The following WDFY4 variants were observed in gnomAD, a reference collection of about 807,000 sequenced individuals.
WDFY4 encodes WD repeat- and FYVE domain-containing protein 4.
WDFY4 carries 169 observed loss-of-function variants against 351.9 expected under a neutral mutation model. The observed-to-expected ratio is 0.48, with a 90% CI of 0.42 to 0.55. The LOEUF is 0.55. Ranked by LOEUF, WDFY4 falls within the 20% of genes least tolerant of loss-of-function variation. WDFY4 has a pLI of 0.00. For synonymous variants in WDFY4, 1,622 were observed against 1,574.6 expected, an observed-to-expected ratio of 1.03 and a Z score of -0.71; for missense variants, 3,803 against 3,935.6, an observed-to-expected ratio of 0.97 and a Z score of 0.90.
In WDFY4 at chr10:48,966,684, G is replaced by A. The variant is rs181144908; in HGVS notation, c.8584+11G>A. 1.3e-5 allele frequency: 20 copies of A among 1,550,424 alleles called. No individual in the cohort carries two copies. The East Asian group carries it at 3.7e-4, about 28-fold the overall frequency. The stretch of plus-strand genomic sequence containing the variant: ...AGGTCACGGTCAAAGGTGATTCCCT[G>A]GCCATGCATTGTTTGGTGTCCTGTC... On this transcript the variant is annotated intron_variant, in intron 55 of 61. Coordinates refer to ENST00000325239, the MANE Select transcript of WDFY4 (RefSeq NM_001394531.1).
intron 1 of WDFY4, among the ~76,000 whole-genome samples, chr10:48,687,701 A>G (rs1589384299): frequency 7.7e-6 from 1 of 129,628 alleles, no homozygotes; most frequent in African/African-American, 3.0e-5. Context: ...TGCAACCTCC[A>G]CCTCCCAGGT....
chr10:48,834,774 T>C (rs1252627398), intron 39 of WDFY4, among the ~76,000 whole-genome samples: 1 of 152,208 alleles, frequency 6.6e-6, no homozygotes, highest in Admixed American at 6.5e-5. Flanking sequence ...CCCTCACACC[T>C]GTTGATGCTG....
At chr10:48,900,526 A>C (rs1179480335) in intron 46 of WDFY4, among the ~76,000 whole-genome samples, 2 of 152,256 alleles carry the variant, frequency 1.3e-5, no homozygotes. Flanking sequence ...CCTAGGAAGC[A>C]GGCTCCATTT....
chr10:48,782,816 G>A (rs868002772), intron 19 of WDFY4, among the ~76,000 whole-genome samples: 44 of 152,130 alleles, frequency 2.9e-4, no homozygotes, highest in African/African-American at 1.1e-3. Context: ...GTTTGAATTG[G>A]GCAAAATGAT....
chr10:48,821,057 TC>T lies in WDFY4; in HGVS notation c.5710-3del. 1 of 1,550,792 alleles carries T rather than the reference TC, an allele frequency of 6.4e-7. No individual in the cohort carries two copies. Among genetic ancestry groups the T allele is most frequent in the Non-Finnish European group, 8.7e-7 (1 of 1,146,206 alleles). ...TGCTGTCTCAGTCCCGGGCTGTGCTTCCAGGCTTCTCCAGACCACGCCACCA... is the reference window on the plus strand; with the variant it reads ...TGCTGTCTCAGTCCCGGGCTGTGCTTCAGGCTTCTCCAGACCACGCCACCA... On this transcript the variant is annotated splice_polypyrimidine_tract_variant and splice_region_variant and intron_variant, in intron 33 of 61. Coordinates refer to ENST00000325239, the MANE Select transcript of WDFY4 (RefSeq NM_001394531.1).
chr10:48,786,851 C>T lies in WDFY4; in HGVS notation c.3789C>T (p.Phe1263=). ...TTGGCCCAAGATATTGTGGTAACTT[C>T]CAAGCTGTGCATGTCCAAGGTATGG... ...NKLGPRYCGN[F]QAVHVQGEDL... The change falls in exon 20 of 62, where the codon TTC becomes TTT. Residue 1263 remains phenylalanine (F), a synonymous_variant. Coordinates refer to ENST00000325239, the MANE Select transcript of WDFY4 (RefSeq NM_001394531.1). 1 of 1,551,976 alleles carries T rather than the reference C, an allele frequency of 6.4e-7. No homozygotes were observed. The highest frequency in any genetic ancestry group is 2.0e-5 in the Admixed American group (1 of 51,006).
chr10:48,737,327 T>G (rs1014098262), intron 11 of WDFY4, among the ~76,000 whole-genome samples: 2 of 152,180 alleles, frequency 1.3e-5, no homozygotes, highest in Non-Finnish European at 2.9e-5. Flanking sequence ...TCATGTTTCA[T>G]TAACATGATA....
In WDFY4 at chr10:48,817,393, C is replaced by T. The variant is rs2067657190; in HGVS notation, c.5489C>T (p.Pro1830Leu). The T allele has an allele frequency of 6.4e-7, 1 of 1,550,474 alleles. No individual in the cohort carries two copies. The highest frequency in any genetic ancestry group is 1.2e-5 in the South Asian group (1 of 83,986). ...FLQTLAIAAFPLGAQKGVGAE... is the reference protein window; with the variant it reads ...FLQTLAIAAFLLGAQKGVGAE... ...CAGACCTTGGCCATAGCCGCCTTCC[C>T]CCTGGGAGCCCAAAAGGTAGGACAT... The change falls in exon 32 of 62, where the codon CCC (proline) becomes CTC (leucine). Residue 1830 changes from proline (P) to leucine (L), a missense_variant. Pro to Leu is a moderately conservative substitution (Grantham distance 98). Transcript: ENST00000325239.
At chr10:48,826,407 C>T (rs978268441) in intron 35 of WDFY4, among the ~76,000 whole-genome samples, 21 of 152,116 alleles carry the variant, frequency 1.4e-4, no homozygotes, top group Admixed American at 7.9e-4. Context: ...AGCATGATGC[C>T]TCCAGCTTTG....
At chr10:48,927,715 G>T (rs1218735687) in intron 47 of WDFY4, among the ~76,000 whole-genome samples, 4 of 152,194 alleles carry the variant, frequency 2.6e-5, no homozygotes, top group African/African-American at 9.7e-5. Context: ...CTTTCCCCTA[G>T]CGGATAATAA....
chr10:48,735,518 A>G (rs1476014106), intron 10 of WDFY4, among the ~76,000 whole-genome samples: 3 of 152,094 alleles, frequency 2.0e-5, no homozygotes, highest in African/African-American at 7.2e-5. Flanking sequence ...TACCCCAGGA[A>G]TTCATGACAC....
chr10:48,902,622 G>GA (rs947619450), intron 47 of WDFY4, among the ~76,000 whole-genome samples: 153 of 147,872 alleles, frequency 1.0e-3, no homozygotes, highest in African/African-American at 3.5e-3. Flanking sequence ...CAAGCAAATA[G>GA]AAAAAAAAAA....
chr10:48,762,981 G>A (rs2065557193), intron 13 of WDFY4, among the ~76,000 whole-genome samples: 1 of 152,220 alleles, frequency 6.6e-6, no homozygotes, highest in South Asian at 2.1e-4. Context: ...TATCTTCAAA[G>A]ATCAGCAGCT....
At chr10:48,707,337 G>A (rs1044859251) in intron 1 of WDFY4, among the ~76,000 whole-genome samples, 10 of 152,174 alleles carry the variant, frequency 6.6e-5, no homozygotes, top group African/African-American at 9.7e-5. Context: ...CCTGATGCCC[G>A]CTTTCTGGAG....
At chr10:48,849,642 AT>A (rs2068892610) in intron 39 of WDFY4, among the ~76,000 whole-genome samples, 2 of 152,332 alleles carry the variant, frequency 1.3e-5, no homozygotes, top group South Asian at 4.2e-4. Context: ...TTAGAAAATC[AT>A]TTTTAATTTT....
chr10:48,901,701 A>G (rs1188845692), intron 46 of WDFY4, 100 bp from the exon 47 acceptor site: 5 of 1,321,536 alleles, frequency 3.8e-6, no homozygotes, highest in African/African-American at 1.5e-5. Context: ...AGGGGGAGCA[A>G]TAATGAGCCT....
At position 48,780,134 on chromosome 10, in the gene WDFY4, C is replaced by T. The variant is rs140889875; in HGVS notation, c.3576+15C>T. The T allele has an allele frequency of 5.2e-5, 80 of 1,551,448 alleles. No individual in the cohort carries two copies. The African/African-American group carries it at 8.2e-4, about 16-fold the overall frequency. ...GCTCTGCCAAGGTGAGATGGCTCCT[C>T]CAAGCTGCACTTGCCCCACAACCAT... is the stretch of plus-strand genomic sequence containing the variant. On this transcript the variant is annotated intron_variant, in intron 19 of 61. Transcript: ENST00000325239.
At position 48,977,094 on chromosome 10, in the gene WDFY4, C is replaced by T. The variant is rs185707441; in HGVS notation, c.9291+115C>T. ...GGTTGCATTTGAGACCATTCCAGAACGGGTACCTACAGCAAAGGAAGGGAA... is the reference window on the plus strand; with the variant it reads ...GGTTGCATTTGAGACCATTCCAGAATGGGTACCTACAGCAAAGGAAGGGAA... On this transcript the variant is annotated intron_variant, in intron 59 of 61. Coordinates refer to ENST00000325239, the MANE Select transcript of WDFY4 (RefSeq NM_001394531.1). 1,107 of 1,064,958 alleles carry T rather than the reference C, an allele frequency of 1.0e-3. 9 individuals carry two copies. The African/African-American group carries it at 0.015, about 15-fold the overall frequency. 66.0% of individuals were successfully genotyped at this position (1,064,958 alleles called of 1,614,324 possible). A position where few individuals can be genotyped will look rare whatever the true frequency, so the allele number is the denominator to read the frequency against.
intron 32 of WDFY4, among the ~76,000 whole-genome samples, chr10:48,819,909 CTATT>C (rs1239841650): frequency 6.6e-6 from 1 of 152,168 alleles, no homozygotes; most frequent in African/African-American, 2.4e-5. Context: ...TTTATTGTCT[CTATT>C]TAACCGATGG....
Sources: gnomAD v4.1 joint callset for allele counts (sites outside exome capture counted in the v4.1 genomes callset) on GRCh38, gnomAD v4.1.1 for gene constraint, MANE v1.5 for transcripts, NCBI Gene and HGNC (gene_info 2026-07-23, HGNC 2026-07-21) for gene names.